The following PRKRIP1 variants were observed in gnomAD, a reference collection of about 807,000 sequenced individuals.
PRKRIP1 encodes PRKR-interacting protein 1.
Under a neutral mutation model 29.3 loss-of-function variants are expected in PRKRIP1, and 29 were observed. The observed-to-expected ratio is 0.99, with a 90% CI of 0.74 to 1.35. PRKRIP1 has a LOEUF of 1.35. Ranked by LOEUF, PRKRIP1 falls within the 40% of genes most tolerant of loss-of-function variation. The pLI is 0.00. For synonymous variants in PRKRIP1, 90 were observed against 85.1 expected (o/e 1.06, Z -0.32); for missense variants, 247 against 236.8 (o/e 1.04, Z -0.28).
chr7:102,410,703 T>C (rs1409670261), intron 5 of PRKRIP1, among the ~76,000 whole-genome samples: 3 of 152,180 alleles, frequency 2.0e-5, no homozygotes, highest in African/African-American at 7.2e-5. Flanking sequence ...AAGTTGATTT[T>C]TAGGATTTTT....
intron 5 of PRKRIP1, among the ~76,000 whole-genome samples, chr7:102,422,185 T>TATTATTATC (rs1796713355): frequency 6.9e-6 from 1 of 145,374 alleles, no homozygotes; most frequent in Non-Finnish European, 1.5e-5. Flanking sequence ...TTATGATTAT[T>TATTATTATC]ATTATCAGAG....
chr7:102,409,326 T>C (rs1796312494), intron 5 of PRKRIP1, among the ~76,000 whole-genome samples: 1 of 152,212 alleles, frequency 6.6e-6, no homozygotes, highest in South Asian at 2.1e-4. Flanking sequence ...ATGTGACTGA[T>C]AGGACCTCAT....
intron 4 of PRKRIP1, among the ~76,000 whole-genome samples, chr7:102,404,966 C>G (rs868935576): frequency 3.8e-4 from 58 of 151,818 alleles, no homozygotes; most frequent in Middle Eastern, 3.4e-3. Flanking sequence ...TCACTGTGTC[C>G]CCCAGGCTGC....
In PRKRIP1 at chr7:102,396,557, C is replaced by G. The variant is rs1795903676; in HGVS notation, c.126+20C>G. On this transcript the variant is annotated intron_variant, in intron 1 of 5. Transcript: ENST00000397912. ...AACCCGGTGAGACGAGGCCCAGGCTCCACGGCCCGTCCGAGGCCCACCCCC... is the reference window on the plus strand; with the variant it reads ...AACCCGGTGAGACGAGGCCCAGGCTGCACGGCCCGTCCGAGGCCCACCCCC... The G allele has an allele frequency of 6.2e-7, 1 of 1,600,830 alleles. No individual in the cohort carries two copies. The highest frequency in any genetic ancestry group is 1.3e-5 in the African/African-American group (1 of 74,136).
At chr7:102,421,234 CAGAA>C in intron 5 of PRKRIP1, among the ~76,000 whole-genome samples, 2 of 152,136 alleles carry the variant, frequency 1.3e-5, no homozygotes, top group Non-Finnish European at 2.9e-5. Context: ...AAGCCATGAA[CAGAA>C]GTTGGTGAAA....
At chr7:102,401,906 AAAG>A (rs782149753) in intron 3 of PRKRIP1, among the ~76,000 whole-genome samples, 9 of 152,226 alleles carry the variant, frequency 5.9e-5, no homozygotes, top group East Asian at 1.9e-4. Flanking sequence ...CCTTCTGAAA[AAAG>A]AAGAAGAAAA....
Position 102,426,156 on chromosome 7 carries a change from GCTA to G in PRKRIP1, c.*1048_*1050del, listed in dbSNP as rs1796826657. On this transcript the variant is annotated 3_prime_UTR_variant, in exon 6 of 6. Coordinates refer to ENST00000397912, the MANE Select transcript of PRKRIP1 (RefSeq NM_024653.4). ...GCAGGGGCATGCGCCTAGAATCCCA[GCTA>G]CTCGGAAGGCCAAGGCAGGAGGACC... is the stretch of plus-strand genomic sequence containing the variant. 6.5e-6 allele frequency: 1 copy of G among 152,792 alleles called. No individual in the cohort carries two copies. The highest frequency in any genetic ancestry group is 1.5e-5 in the Non-Finnish European group (1 of 68,350). The allele number at this position is 152,792 out of a possible 1,614,324, so 9.5% of individuals were successfully genotyped here. A position where few individuals can be genotyped will look rare whatever the true frequency, so the allele number is the denominator to read the frequency against.
At chr7:102,421,414 A>T (rs1442727077) in intron 5 of PRKRIP1, among the ~76,000 whole-genome samples, 1 of 151,980 alleles carries the variant, frequency 6.6e-6, no homozygotes, top group African/African-American at 2.4e-5. Context: ...GTGTGGTGGC[A>T]CACACCCATA....
chr7:102,422,912 GT>G (rs1248675128), intron 5 of PRKRIP1: 2 of 182,806 alleles, frequency 1.1e-5, no homozygotes, highest in Non-Finnish European at 2.2e-5. Flanking sequence ...ATATTCCAAA[GT>G]CTGGAAACAT....
intron 5 of PRKRIP1, among the ~76,000 whole-genome samples, chr7:102,424,383 C>G (rs1796781159): frequency 6.6e-6 from 1 of 152,266 alleles, no homozygotes; most frequent in Non-Finnish European, 1.5e-5. Flanking sequence ...TGGTCTCTGC[C>G]TCTGCCTTTC....
chr7:102,419,843 TTTTGTGTGTGTG>T (rs1196494233), intron 5 of PRKRIP1, among the ~76,000 whole-genome samples: 20 of 133,656 alleles, frequency 1.5e-4, no homozygotes, highest in Admixed American at 3.3e-4. Flanking sequence ...TTTTTTGTGT[TTTTGTGTGTGTG>T]TGTGTGTGTG....
Position 102,423,077 on chromosome 7 carries a change from A to G in PRKRIP1, c.458-1937A>G, listed in dbSNP as rs146202685. 180 of 445,694 alleles carry G rather than the reference A, an allele frequency of 4.0e-4. 1 individual carries two copies. Among genetic ancestry groups the G allele is most frequent in the African/African-American group, 3.1e-3 (155 of 49,226 alleles). 27.6% of individuals were successfully genotyped at this position (445,694 alleles called of 1,614,324 possible). A position where few individuals can be genotyped will look rare whatever the true frequency, so the allele number is the denominator to read the frequency against. On this transcript the variant is annotated intron_variant, in intron 5 of 5. Coordinates refer to ENST00000397912, the MANE Select transcript of PRKRIP1 (RefSeq NM_024653.4). ...TCCACAAACATCCAGCTCAACGAGT[A>G]TTGTATTCATCAGAAGCAGAATTAA...
At chr7:102,396,619 C>A (rs1419671256) in intron 1 of PRKRIP1, 82 bp downstream of exon 1, 3 of 1,444,310 alleles carry the variant, frequency 2.1e-6, no homozygotes, top group Non-Finnish European at 2.8e-6. Flanking sequence ...GCAGGTCCAC[C>A]TTCCCCGCCT....
intron 4 of PRKRIP1, among the ~76,000 whole-genome samples, chr7:102,407,171 C>T (rs146323687): frequency 0.023 from 3,416 of 151,212 alleles, 134 homozygotes; most frequent in African/African-American, 0.08. Context: ...GCTGAGATTG[C>T]GCCACTGCAC....
chr7:102,401,352 G>A (rs1386299933), intron 3 of PRKRIP1, among the ~76,000 whole-genome samples: 2 of 152,108 alleles, frequency 1.3e-5, no homozygotes, highest in Non-Finnish European at 2.9e-5. Context: ...TAAAACATTA[G>A]GGAAAATTTA....
intron 5 of PRKRIP1, among the ~76,000 whole-genome samples, chr7:102,412,320 C>T (rs1357274311): frequency 2.0e-5 from 3 of 152,046 alleles, no homozygotes; most frequent in East Asian, 1.9e-4. Context: ...TTTGGTAGGT[C>T]GAGGTGGGAG....
chr7:102,413,663 T>G (rs1369095287), intron 5 of PRKRIP1, among the ~76,000 whole-genome samples: 1 of 152,130 alleles, frequency 6.6e-6, no homozygotes, highest in Non-Finnish European at 1.5e-5. Flanking sequence ...TTAATATAAT[T>G]TCTTTGATTT....
chr7:102,412,956 T>C (rs781877892), intron 5 of PRKRIP1, among the ~76,000 whole-genome samples: 1 of 152,226 alleles, frequency 6.6e-6, no homozygotes, highest in Non-Finnish European at 1.5e-5. Context: ...CCAGATGATG[T>C]ATTCCCACAC....
In PRKRIP1 at chr7:102,399,617, G is replaced by C; in HGVS notation, c.275G>C (p.Arg92Pro). 6.2e-7 allele frequency: 1 copy of C among 1,614,038 alleles called. No homozygotes were observed. Among genetic ancestry groups the C allele is most frequent in the Non-Finnish European group, 8.5e-7 (1 of 1,179,978 alleles). Residue 92 changes from arginine to proline, a missense_variant, in exon 3 of 6, where the codon CGA (arginine) becomes CCA (proline). Arg to Pro is a moderately radical substitution (Grantham distance 103, BLOSUM62 -2). This residue lies in a region of PRKRIP1 where 134 missense variants were observed against 126.6 expected (regional missense o/e 1.06). Transcript: ENST00000397912. Reference protein sequence around the residue: ...YRHLRRREYQRQDYMDAMAEK... With the variant: ...YRHLRRREYQPQDYMDAMAEK... ...CATCTGCGCCGGAGAGAATATCAGC[G>C]ACAGGACTACATGGATGCCATGGCT...
Sources: allele counts gnomAD v4.1 joint callset (sites outside exome capture counted in the v4.1 genomes callset), GRCh38; gene constraint gnomAD v4.1.1; regional missense constraint gnomAD v4.1.1; transcripts MANE v1.5; gene names NCBI Gene and HGNC (gene_info 2026-07-23, HGNC 2026-07-21).